The following WIPF2 variants were observed in gnomAD, a reference collection of about 807,000 sequenced individuals.
WIPF2 encodes the protein WAS/WASL-interacting protein family member 2.
Under a neutral mutation model 38.8 loss-of-function variants are expected in WIPF2, and 23 were observed. The observed-to-expected ratio is 0.59, with a 90% CI of 0.43 to 0.84. The LOEUF is 0.84. WIPF2 is among the 40% of genes least tolerant of loss of function. The probability of loss-of-function intolerance (pLI) is 0.00; values close to 1 mark genes in which losing one functional copy is unlikely to be tolerated. For synonymous variants in WIPF2, 210 were observed against 223.2 expected (o/e 0.94, Z 0.53); for missense variants, 574 against 580.5 (o/e 0.99, Z 0.11).
intron 1 of WIPF2, chr17:40,219,912 A>T (rs1181589484): frequency 6.5e-6 from 1 of 152,728 alleles, no homozygotes; most frequent in African/African-American, 2.4e-5. Flanking sequence ...AATTAGCAGG[A>T]TGCTGTGGGT....
chr17:40,247,339 T>A (rs150976652), intron 1 of WIPF2, among the ~76,000 whole-genome samples: 129 of 141,560 alleles, frequency 9.1e-4, no homozygotes, highest in African/African-American at 3.3e-3. Context: ...TGCTTCAGCC[T>A]CCCAAGGTAG....
Position 40,273,872 on chromosome 17 carries a change from A to G in WIPF2, c.1053A>G (p.Ser351=). Residue 351 remains serine, a synonymous_variant, in exon 6 of 8, where the codon TCA becomes TCG. Coordinates refer to ENST00000323571, the MANE Select transcript of WIPF2 (RefSeq NM_133264.5). Reference sequence around the variant, plus strand: ...CACCACCATACCGAATGCATGGGTCAGAACCCCCGAGCCGAGGAAAGCCCC... The same window carrying G: ...CACCACCATACCGAATGCATGGGTCGGAACCCCCGAGCCGAGGAAAGCCCC... The part of the protein sequence containing the change: ...PPPPPYRMHG[S]EPPSRGKPPP... The G allele has an allele frequency of 2.0e-6, 3 of 1,502,580 alleles. No homozygotes were observed. The highest frequency in any genetic ancestry group is 1.6e-5 in the African/African-American group (1 of 63,992). The allele number at this position is 1,502,580 out of a possible 1,614,324, so 93.1% of individuals were successfully genotyped here.
chr17:40,266,237 CAAA>C (rs973061072), intron 5 of WIPF2, among the ~76,000 whole-genome samples: 4 of 62,338 alleles, frequency 6.4e-5, no homozygotes, highest in African/African-American at 5.9e-5. Context: ...CAGTCCATCT[CAAA>C]AAAAAAAAAA....
intron 1 of WIPF2, among the ~76,000 whole-genome samples, chr17:40,249,633 G>A (rs2031487716): frequency 6.7e-6 from 1 of 150,012 alleles, no homozygotes. Context: ...TTGTATGTTT[G>A]GTAGAGACAG....
intron 1 of WIPF2, among the ~76,000 whole-genome samples, chr17:40,250,498 C>T (rs2031524904): frequency 6.6e-6 from 1 of 151,458 alleles, no homozygotes; most frequent in South Asian, 2.1e-4. Context: ...ATCCGCCCAC[C>T]TCGGCCTCCC....
chr17:40,238,536 C>T (rs1314532875), intron 1 of WIPF2, among the ~76,000 whole-genome samples: 1 of 152,082 alleles, frequency 6.6e-6, no homozygotes, highest in Non-Finnish European at 1.5e-5. Flanking sequence ...CTCCTGACCT[C>T]AGGTGATCTG....
At chr17:40,242,405 G>T (rs1039197450) in intron 1 of WIPF2, among the ~76,000 whole-genome samples, 5 of 150,864 alleles carry the variant, frequency 3.3e-5, no homozygotes, top group African/African-American at 4.8e-5. Flanking sequence ...ATTTTTTGTT[G>T]TTGTTGTTGT....
chr17:40,275,015 G>A (rs1034329542), intron 6 of WIPF2, among the ~76,000 whole-genome samples: 17 of 151,258 alleles, frequency 1.1e-4, no homozygotes, highest in Admixed American at 1.1e-3. Context: ...CGAGGCAGGC[G>A]GATCACCTGA....
intron 1 of WIPF2, among the ~76,000 whole-genome samples, chr17:40,240,814 A>G (rs1457463749): frequency 4.6e-5 from 7 of 151,682 alleles, no homozygotes; most frequent in Non-Finnish European, 2.9e-5. Context: ...GCGTGGTGGC[A>G]GGCGCCTGTA....
intron 1 of WIPF2, among the ~76,000 whole-genome samples, chr17:40,248,331 A>AT (rs1170443273): frequency 3.3e-5 from 5 of 151,214 alleles, no homozygotes; most frequent in African/African-American, 7.3e-5. Context: ...TGCCTGGCTA[A>AT]TTTTTTTTAT....
At chr17:40,255,757 T>C (rs1244838098) in intron 1 of WIPF2, among the ~76,000 whole-genome samples, 1 of 151,386 alleles carries the variant, frequency 6.6e-6, no homozygotes, top group Non-Finnish European at 1.5e-5. Context: ...GCCTCCCGAG[T>C]AGCTGGGACT....
chr17:40,241,534 G>C (rs1001055959), intron 1 of WIPF2, among the ~76,000 whole-genome samples: 9 of 152,136 alleles, frequency 5.9e-5, no homozygotes, highest in African/African-American at 1.9e-4. Flanking sequence ...CTTTGGGCTT[G>C]TGTGACTTCA....
chr17:40,220,597 AT>A (rs2030164094), intron 1 of WIPF2: 1 of 79,506 alleles, frequency 1.3e-5, no homozygotes, highest in Non-Finnish European at 2.3e-5. Flanking sequence ...ATATATATAT[AT>A]ATATATATAT....
chr17:40,220,618 T>C (rs2030182036), intron 1 of WIPF2: 2 of 112,662 alleles, frequency 1.8e-5, no homozygotes, highest in Admixed American at 9.9e-5. Context: ...TATATATATA[T>C]GTATATATAT....
chr17:40,276,691 TTGCC>T, intron 6 of WIPF2, among the ~76,000 whole-genome samples: 1 of 151,832 alleles, frequency 6.6e-6, no homozygotes, highest in East Asian at 1.9e-4. Flanking sequence ...GGTGGGGAGA[TTGCC>T]TGAGCACAGG....
At chr17:40,222,325 T>C (rs1439760745) in intron 1 of WIPF2, among the ~76,000 whole-genome samples, 1 of 151,584 alleles carries the variant, frequency 6.6e-6, no homozygotes, top group Non-Finnish European at 1.5e-5. Flanking sequence ...GTGCTGGGAT[T>C]ACAGGTGTGA....
chr17:40,277,737 T>TTTTTTTTTTTTTTTTTTTTTTTTTTTTC (rs1567727188), intron 7 of WIPF2, among the ~76,000 whole-genome samples: 1 of 146,048 alleles, frequency 6.8e-6, no homozygotes, highest in African/African-American at 2.7e-5. Context: ...TTTTTTTTTT[T>TTTTTTTTTTTTTTTTTTTTTTTTTTTTC]TTTTTGAGAT....
intron 1 of WIPF2, among the ~76,000 whole-genome samples, chr17:40,231,819 A>G (rs2030752695): frequency 6.6e-6 from 1 of 151,894 alleles, no homozygotes; most frequent in African/African-American, 2.4e-5. Flanking sequence ...TTAAAATCTG[A>G]GAAGAGCTGT....
chr17:40,260,266 C>T (rs1413443924), intron 2 of WIPF2, among the ~76,000 whole-genome samples: 1 of 147,688 alleles, frequency 6.8e-6, no homozygotes, highest in African/African-American at 2.5e-5. Context: ...CGGCTCACTG[C>T]AACCTCCACC....
Sources: allele counts gnomAD v4.1 joint callset (sites outside exome capture counted in the v4.1 genomes callset), GRCh38; gene constraint gnomAD v4.1.1; transcripts MANE v1.5; gene names NCBI Gene and HGNC (gene_info 2026-07-23, HGNC 2026-07-21).